Variants in CAMKMT observed in about 807,000 individuals in gnomAD.
The protein encoded by CAMKMT is calmodulin-lysine N-methyltransferase, also known as CaM KMT.
In CAMKMT, 53 loss-of-function variants were observed where a neutral mutation model predicts 48.0. The ratio of observed to expected loss-of-function variants is 1.10; its 90% CI spans 0.89 to 1.39. The LOEUF (loss-of-function observed/expected upper bound fraction) is 1.39. CAMKMT is among the 40% of genes most tolerant of loss of function. The pLI is 0.00. For missense variants in CAMKMT, 428 were observed against 402.7 expected, an observed-to-expected ratio of 1.06 and a Z score of -0.54; for synonymous variants, 165 against 152.3, an observed-to-expected ratio of 1.08 and a Z score of -0.61.
At position 44,475,520 on chromosome 2, in the gene CAMKMT, G is replaced by T. The variant is rs146617022; in HGVS notation, c.376+85215G>T. 9.9e-5 allele frequency among the ~76,000 whole-genome samples: 15 copies of T among 152,172 alleles called. No individual in the cohort carries two copies. In the South Asian group the frequency reaches 2.3e-3, roughly 23 times the overall value. The stretch of plus-strand genomic sequence containing the variant: ...TTTAGTAGAGATGGGGTTTCACCAT[G>T]TTGGCCAGGATGGTCTTGATCTCTT... On this transcript the variant is annotated intron_variant, in intron 3 of 10. Coordinates refer to ENST00000378494, the MANE Select transcript of CAMKMT (RefSeq NM_024766.5).
intron 3 of CAMKMT, among the ~76,000 whole-genome samples, chr2:44,639,359 A>C (rs1324822604): frequency 6.6e-6 from 1 of 152,220 alleles, no homozygotes; most frequent in African/African-American, 2.4e-5. Context: ...GGTTATATTC[A>C]GTTCTTATGG....
intron 3 of CAMKMT, among the ~76,000 whole-genome samples, chr2:44,593,707 T>C (rs750260611): frequency 1.3e-5 from 2 of 151,398 alleles, no homozygotes; most frequent in Non-Finnish European, 2.9e-5. Flanking sequence ...TCACTGTTGC[T>C]CCAACTTGAA....
At chr2:44,702,711 T>G (rs1024711675) in intron 3 of CAMKMT, among the ~76,000 whole-genome samples, 2 of 152,172 alleles carry the variant, frequency 1.3e-5, no homozygotes, top group Non-Finnish European at 2.9e-5. Context: ...TCTTGCTGGT[T>G]TTCCTTGTTT....
chr2:44,530,047 G>A (rs549357706), intron 3 of CAMKMT, among the ~76,000 whole-genome samples: 9 of 152,258 alleles, frequency 5.9e-5, no homozygotes, highest in East Asian at 1.9e-4. Flanking sequence ...TCATCAGTTA[G>A]AGAAATGGAT....
chr2:44,596,647 G>T (rs1019895386), intron 3 of CAMKMT, among the ~76,000 whole-genome samples: 1 of 151,942 alleles, frequency 6.6e-6, no homozygotes, highest in East Asian at 1.9e-4. Context: ...TCATCAAGCA[G>T]CCAAGGCAGT....
intron 1 of CAMKMT, among the ~76,000 whole-genome samples, chr2:44,365,530 G>A (rs1437221892): frequency 6.6e-6 from 1 of 152,146 alleles, no homozygotes; most frequent in Non-Finnish European, 1.5e-5. Context: ...ATGGCCACTG[G>A]CAACTCCGGG....
At chr2:44,636,669 A>G (rs751092157) in intron 3 of CAMKMT, among the ~76,000 whole-genome samples, 1 of 152,208 alleles carries the variant, frequency 6.6e-6, no homozygotes, top group Non-Finnish European at 1.5e-5. Context: ...AATAAAGGGA[A>G]GTGTTCTTCC....
rs1344799732 is a variant in CAMKMT, at chr2:44,389,610, T to A, written c.312-631T>A. The stretch of plus-strand genomic sequence containing the variant: ...CTCTATGACCTATTGCACAATTGAG[T>A]CTATTTGTATATAACAAATAGTATT... On this transcript the variant is annotated intron_variant, in intron 2 of 10. Coordinates refer to ENST00000378494, the MANE Select transcript of CAMKMT (RefSeq NM_024766.5). Among the ~76,000 whole-genome samples the A allele has an allele frequency of 1.1e-4, 16 of 152,274 alleles. No individual in the cohort carries two copies. In the South Asian group the frequency reaches 2.9e-3, roughly 28 times the overall value.
chr2:44,621,288 A>G (rs951226643), intron 3 of CAMKMT, among the ~76,000 whole-genome samples: 7 of 149,372 alleles, frequency 4.7e-5, no homozygotes, highest in African/African-American at 1.7e-4. Context: ...AAAAAAAAGC[A>G]TAAGAAAGCA....
At chr2:44,522,023 T>C (rs1183743970) in intron 3 of CAMKMT, among the ~76,000 whole-genome samples, 1 of 151,736 alleles carries the variant, frequency 6.6e-6, no homozygotes, top group African/African-American at 2.4e-5. Context: ...TTTTTTTTTT[T>C]TGACAGACTC....
At chr2:44,510,054 A>G (rs958389107) in intron 3 of CAMKMT, among the ~76,000 whole-genome samples, 1 of 152,208 alleles carries the variant, frequency 6.6e-6, no homozygotes, top group Non-Finnish European at 1.5e-5. Flanking sequence ...AACATCTTAC[A>G]TTACCATAGA....
intron 3 of CAMKMT, among the ~76,000 whole-genome samples, chr2:44,614,047 A>G (rs1671738360): frequency 1.3e-5 from 2 of 152,230 alleles, no homozygotes; most frequent in African/African-American, 4.8e-5. Context: ...GCTATACATA[A>G]TTTGTTTCCA....
At chr2:44,500,641 A>G (rs967269442) in intron 3 of CAMKMT, among the ~76,000 whole-genome samples, 1 of 149,650 alleles carries the variant, frequency 6.7e-6, no homozygotes, top group Non-Finnish European at 1.5e-5. Flanking sequence ...ATATTAGTTG[A>G]CTCAATTTTC....
At chr2:44,731,615 T>C (rs961979164) in intron 7 of CAMKMT, among the ~76,000 whole-genome samples, 4 of 152,156 alleles carry the variant, frequency 2.6e-5, no homozygotes, top group African/African-American at 9.7e-5. Flanking sequence ...CTATCAGAAA[T>C]TGACTTGGTT....
chr2:44,610,346 G>C (rs1203807965), intron 3 of CAMKMT, among the ~76,000 whole-genome samples: 1 of 152,150 alleles, frequency 6.6e-6, no homozygotes, highest in Non-Finnish European at 1.5e-5. Flanking sequence ...GGATGATAAA[G>C]TCTTAAGGAA....
intron 3 of CAMKMT, among the ~76,000 whole-genome samples, chr2:44,651,933 GAA>G (rs1674093128): frequency 6.6e-6 from 1 of 152,164 alleles, no homozygotes. Context: ...TTCTGTCATA[GAA>G]AAGTCTGTAC....
At chr2:44,429,529 G>T (rs1031150712) in intron 3 of CAMKMT, among the ~76,000 whole-genome samples, 2 of 152,034 alleles carry the variant, frequency 1.3e-5, no homozygotes, top group African/African-American at 4.8e-5. Context: ...TGTTGTTGTT[G>T]TTTGAGATTG....
chr2:44,531,914 A>T (rs1250305436), intron 3 of CAMKMT, among the ~76,000 whole-genome samples: 1 of 152,166 alleles, frequency 6.6e-6, no homozygotes, highest in Non-Finnish European at 1.5e-5. Flanking sequence ...CTTCTAGAGG[A>T]GGTTAAGCAT....
At chr2:44,538,623 A>G (rs1193362762) in intron 3 of CAMKMT, among the ~76,000 whole-genome samples, 1 of 151,996 alleles carries the variant, frequency 6.6e-6, no homozygotes, top group Non-Finnish European at 1.5e-5. Context: ...ACTCAGGAGG[A>G]GAGGTTGGGG....
Sources: gnomAD v4.1 joint callset for allele counts (sites outside exome capture counted in the v4.1 genomes callset) on GRCh38, gnomAD v4.1.1 for gene constraint, MANE v1.5 for transcripts, NCBI Gene and HGNC (gene_info 2026-07-23, HGNC 2026-07-21) for gene names.